ADGRL3: variants seen among roughly 807,000 people sequenced by gnomAD.
The protein encoded by ADGRL3 is adhesion G protein-coupled receptor L3, also known as calcium-independent alpha-latrotoxin receptor 3.
In ADGRL3, 62 loss-of-function variants were observed where a neutral mutation model predicts 153.5. The observed-to-expected ratio is 0.40, with a 90% CI of 0.33 to 0.50. The LOEUF (loss-of-function observed/expected upper bound fraction) is 0.50, where lower values mean the gene tolerates loss of function less well. Among genes scored for constraint, ADGRL3 ranks in the 20% least tolerant of loss-of-function variants. The probability of loss-of-function intolerance (pLI) is 0.47; values close to 1 mark genes in which losing one functional copy is unlikely to be tolerated. For missense variants in ADGRL3, 1,641 were observed against 1,859.4 expected (o/e 0.88, Z 2.16); for synonymous variants, 710 against 672.5 (o/e 1.06, Z -0.86).
chr4:61,424,232 A>T (rs2097249091), intron 2 of ADGRL3, among the ~76,000 whole-genome samples: 1 of 152,056 alleles, frequency 6.6e-6, no homozygotes, highest in African/African-American at 2.4e-5. Context: ...CATAACTGTG[A>T]TTATATAATG....
At chr4:61,290,072 A>G (rs925194910) in intron 1 of ADGRL3, among the ~76,000 whole-genome samples, 6 of 152,074 alleles carry the variant, frequency 3.9e-5, no homozygotes, top group African/African-American at 1.2e-4. Context: ...TACCTCCCCT[A>G]TGAAGGAAGT....
intron 17 of ADGRL3, among the ~76,000 whole-genome samples, chr4:61,950,749 C>T (rs1371599812): frequency 6.6e-6 from 1 of 152,120 alleles, no homozygotes; most frequent in Non-Finnish European, 1.5e-5. Context: ...GGAGAGCTGG[C>T]AAGCTCTGAT....
At chr4:61,532,555 C>CGCGCGT (rs760218872) in intron 4 of ADGRL3, among the ~76,000 whole-genome samples, 20 of 131,472 alleles carry the variant, frequency 1.5e-4, no homozygotes, top group East Asian at 1.3e-3. Context: ...CGCGCGCGCG[C>CGCGCGT]GTGTGTGTGT....
At chr4:61,900,690 T>G (rs1046948020) in intron 11 of ADGRL3, among the ~76,000 whole-genome samples, 2 of 152,016 alleles carry the variant, frequency 1.3e-5, no homozygotes, top group African/African-American at 4.8e-5. Context: ...GAAGTCTTGA[T>G]GGATGTAGGT....
intron 1 of ADGRL3, among the ~76,000 whole-genome samples, chr4:61,304,867 AAGATG>A (rs1035744614): frequency 6.6e-6 from 1 of 152,296 alleles, no homozygotes; most frequent in East Asian, 1.9e-4. Context: ...TATCCATCTT[AAGATG>A]AGAATCACCT....
At chr4:61,429,800 C>A (rs777271196) in intron 2 of ADGRL3, among the ~76,000 whole-genome samples, 11 of 152,044 alleles carry the variant, frequency 7.2e-5, no homozygotes, top group Non-Finnish European at 1.2e-4. Context: ...TAGGAAGATA[C>A]ACTTGGAAAT....
At chr4:62,019,970 A>G (rs2099230298) in intron 21 of ADGRL3, among the ~76,000 whole-genome samples, 1 of 152,176 alleles carries the variant, frequency 6.6e-6, no homozygotes, top group Non-Finnish European at 1.5e-5. Flanking sequence ...TACTTCCAAA[A>G]TTAAATAAAC....
chr4:61,960,610 T>G (rs1203619249), intron 17 of ADGRL3, among the ~76,000 whole-genome samples: 1 of 152,210 alleles, frequency 6.6e-6, no homozygotes, highest in Non-Finnish European at 1.5e-5. Context: ...CAGTTTTATA[T>G]TTACTGAGAA....
intron 5 of ADGRL3, among the ~76,000 whole-genome samples, chr4:61,659,421 G>A (rs1377740265): frequency 1.3e-5 from 2 of 152,174 alleles, no homozygotes; most frequent in African/African-American, 2.4e-5. Flanking sequence ...CTGAGTTCTT[G>A]AAAGCATGTC....
chr4:61,483,785 T>G (rs1008090226), intron 2 of ADGRL3, among the ~76,000 whole-genome samples: 5 of 151,632 alleles, frequency 3.3e-5, no homozygotes, highest in Admixed American at 2.0e-4. Context: ...ATATTTAGTT[T>G]ATAAATACAT....
At chr4:61,406,084 G>A (rs892616468) in intron 2 of ADGRL3, among the ~76,000 whole-genome samples, 3 of 151,910 alleles carry the variant, frequency 2.0e-5, no homozygotes, top group East Asian at 1.9e-4. Flanking sequence ...TATTGAGAGC[G>A]CCCTATATAT....
intron 21 of ADGRL3, among the ~76,000 whole-genome samples, chr4:62,013,260 C>T (rs572515230): frequency 2.6e-5 from 4 of 152,026 alleles, no homozygotes; most frequent in Non-Finnish European, 5.9e-5. Flanking sequence ...GGCTGGGCAC[C>T]GCAGTGGCTC....
intron 1 of ADGRL3, among the ~76,000 whole-genome samples, chr4:61,307,528 G>A (rs565029317): frequency 9.0e-4 from 137 of 152,064 alleles, no homozygotes; most frequent in African/African-American, 3.1e-3. Context: ...TTTTACTGTT[G>A]TAAAGTACTG....
intron 23 of ADGRL3, among the ~76,000 whole-genome samples, chr4:62,032,701 TG>T (rs1194489245): frequency 6.6e-6 from 1 of 151,660 alleles, no homozygotes; most frequent in Non-Finnish European, 1.5e-5. Flanking sequence ...TAGAGACTGC[TG>T]GGACCAAAAC....
intron 5 of ADGRL3, among the ~76,000 whole-genome samples, chr4:61,676,153 T>A (rs969298827): frequency 1.3e-5 from 2 of 151,966 alleles, no homozygotes; most frequent in Non-Finnish European, 2.9e-5. Flanking sequence ...AAATTTAAAT[T>A]CATTATTTTA....
intron 8 of ADGRL3, among the ~76,000 whole-genome samples, chr4:61,749,506 A>G (rs1279989549): frequency 1.3e-5 from 2 of 152,228 alleles, no homozygotes; most frequent in Non-Finnish European, 1.5e-5. Context: ...TGGCACATAT[A>G]CACCGTGGAA....
intron 2 of ADGRL3, among the ~76,000 whole-genome samples, chr4:61,396,177 T>C (rs1560570066): frequency 6.6e-6 from 1 of 151,900 alleles, no homozygotes; most frequent in South Asian, 2.1e-4. Flanking sequence ...TGTCATCTAG[T>C]ACAACATCCT....
chr4:62,033,039 A>AC (rs976347959), intron 23 of ADGRL3, among the ~76,000 whole-genome samples: 2 of 151,416 alleles, frequency 1.3e-5, no homozygotes, highest in African/African-American at 4.8e-5. Flanking sequence ...TAATATGTAC[A>AC]CCCCCCAAAT....
chr4:61,696,670 C>CTTTTTTTTTT (rs34306284), intron 6 of ADGRL3, among the ~76,000 whole-genome samples: 51 of 102,012 alleles, frequency 5.0e-4, no homozygotes, highest in African/African-American at 6.7e-4. Context: ...TTTTTTTAAC[C>CTTTTTTTTTT]TTTTTTTTTT....
Sources: gnomAD v4.1 joint callset for allele counts (sites outside exome capture counted in the v4.1 genomes callset) on GRCh38, gnomAD v4.1.1 for gene constraint, MANE v1.5 for transcripts, NCBI Gene and HGNC (gene_info 2026-07-23, HGNC 2026-07-21) for gene names.